The following GREM2 variants were observed in gnomAD, a reference collection of about 807,000 sequenced individuals.
The protein encoded by GREM2 is gremlin-2.
In GREM2, 11 loss-of-function variants were observed where a neutral mutation model predicts 14.2. The ratio of observed to expected loss-of-function variants is 0.78; its 90% CI spans 0.49 to 1.28. The LOEUF (loss-of-function observed/expected upper bound fraction) is 1.28, where lower values mean the gene tolerates loss of function less well. Ranked by LOEUF, GREM2 falls within the 50% of genes most tolerant of loss-of-function variation. GREM2 has a pLI of 0.00. For missense variants in GREM2, 210 were observed against 218.5 expected (o/e 0.96, Z 0.24); for synonymous variants, 98 against 97.6 (o/e 1.00, Z -0.02).
At chr1:240,609,897 C>A (rs368471667) in intron 1 of GREM2, among the ~76,000 whole-genome samples, 58 of 151,430 alleles carry the variant, frequency 3.8e-4, no homozygotes, top group African/African-American at 8.5e-4. Flanking sequence ...ACTTATAACT[C>A]GAGGGTATGT....
At chr1:240,515,444 A>G (rs1677932481) in intron 1 of GREM2, among the ~76,000 whole-genome samples, 1 of 152,210 alleles carries the variant, frequency 6.6e-6, no homozygotes, top group South Asian at 2.1e-4. Context: ...TAATGAGATC[A>G]AAGTACATCA....
chr1:240,538,549 TA>T (rs1558154297), intron 1 of GREM2, among the ~76,000 whole-genome samples: 1 of 150,578 alleles, frequency 6.6e-6, no homozygotes, highest in Non-Finnish European at 1.5e-5. Context: ...CAAAAAAAAA[TA>T]ATAATAATAA....
chr1:240,609,895 C>A (rs1469231303), intron 1 of GREM2, among the ~76,000 whole-genome samples: 1 of 151,750 alleles, frequency 6.6e-6, no homozygotes, highest in East Asian at 1.9e-4. Context: ...AAACTTATAA[C>A]TCGAGGGTAT....
intron 1 of GREM2, among the ~76,000 whole-genome samples, chr1:240,517,292 C>T (rs985958428): frequency 6.6e-6 from 1 of 152,176 alleles, no homozygotes; most frequent in Non-Finnish European, 1.5e-5. Flanking sequence ...CCAACTGTAT[C>T]ATTTTAAGTA....
At chr1:240,596,789 A>G (rs1679826687) in intron 1 of GREM2, among the ~76,000 whole-genome samples, 1 of 152,110 alleles carries the variant, frequency 6.6e-6, no homozygotes, top group Non-Finnish European at 1.5e-5. Context: ...AGTCTTTGAC[A>G]CAGGATTTCA....
chr1:240,580,008 A>G (rs898538473), intron 1 of GREM2, among the ~76,000 whole-genome samples: 3 of 152,188 alleles, frequency 2.0e-5, no homozygotes, highest in African/African-American at 7.2e-5. Context: ...CATCTGTGAT[A>G]TGCACACAAA....
chr1:240,538,414 T>C (rs1178237298), intron 1 of GREM2, among the ~76,000 whole-genome samples: 1 of 152,086 alleles, frequency 6.6e-6, no homozygotes, highest in Non-Finnish European at 1.5e-5. Context: ...GTAAAGACTT[T>C]CTAGAGGCCA....
At chr1:240,522,076 C>T (rs1211254694) in intron 1 of GREM2, among the ~76,000 whole-genome samples, 2 of 147,594 alleles carry the variant, frequency 1.4e-5, no homozygotes, top group African/African-American at 2.5e-5. Context: ...GCCATGATCA[C>T]ACCACCACAC....
chr1:240,610,210 C>G (rs1026091413), intron 1 of GREM2, among the ~76,000 whole-genome samples: 8 of 152,094 alleles, frequency 5.3e-5, no homozygotes, highest in African/African-American at 1.9e-4. Flanking sequence ...CAAAACAACT[C>G]TTTACCAATA....
At chr1:240,597,155 C>T (rs1378094927) in intron 1 of GREM2, among the ~76,000 whole-genome samples, 2 of 152,160 alleles carry the variant, frequency 1.3e-5, no homozygotes, top group South Asian at 2.1e-4. Flanking sequence ...TTTTAATGAC[C>T]GTGGTTACGA....
At chr1:240,544,098 G>A (rs1457453025) in intron 1 of GREM2, among the ~76,000 whole-genome samples, 2 of 151,452 alleles carry the variant, frequency 1.3e-5, no homozygotes, top group Non-Finnish European at 2.9e-5. Context: ...GTAATCTAGA[G>A]ATGGTTTAAA....
intron 1 of GREM2, among the ~76,000 whole-genome samples, chr1:240,504,532 T>G (rs938823642): frequency 1.3e-5 from 2 of 152,170 alleles, no homozygotes; most frequent in Admixed American, 1.3e-4. Context: ...CCTCTCTTCT[T>G]GCACTTGACA....
rs143104223 is a variant in GREM2 at position 240,501,535 on chromosome 1, A to G, written c.-1-8059T>C. Among the ~76,000 whole-genome samples, 998 of 152,360 alleles carry G rather than the reference A, an allele frequency of 6.6e-3. 6 individuals are homozygous for G. Among genetic ancestry groups the G allele is most frequent in the Non-Finnish European group, 9.6e-3 (656 of 68,042 alleles). On this transcript the variant is annotated intron_variant, in intron 1 of 1. Transcript: ENST00000318160. ...CTAAATCTTTGAAGAAATTGTTGGG[A>G]TAAATTCAGGATAGGAAATGGAATG...
intron 1 of GREM2, among the ~76,000 whole-genome samples, chr1:240,593,230 T>C (rs1311050175): frequency 6.6e-6 from 1 of 152,128 alleles, no homozygotes; most frequent in Non-Finnish European, 1.5e-5. Context: ...TTGTAAAGCT[T>C]TCCCTTCTCT....
intron 1 of GREM2, among the ~76,000 whole-genome samples, chr1:240,557,162 T>C (rs1027521338): frequency 1.1e-4 from 16 of 150,586 alleles, no homozygotes; most frequent in Non-Finnish European, 2.1e-4. Context: ...AGTAAGACTC[T>C]GTCTCCATAA....
intron 1 of GREM2, among the ~76,000 whole-genome samples, chr1:240,578,318 G>T (rs1165669891): frequency 6.6e-6 from 1 of 151,952 alleles, no homozygotes; most frequent in Non-Finnish European, 1.5e-5. Context: ...TAGAGATGGG[G>T]TTTTACCGTG....
At chr1:240,590,927 A>T (rs772402088) in intron 1 of GREM2, among the ~76,000 whole-genome samples, 1 of 151,816 alleles carries the variant, frequency 6.6e-6, no homozygotes. Context: ...GATTACAGGC[A>T]CGCGCCTCCA....
At chr1:240,577,120 T>C (rs1474930221) in intron 1 of GREM2, among the ~76,000 whole-genome samples, 1 of 152,174 alleles carries the variant, frequency 6.6e-6, no homozygotes, top group Non-Finnish European at 1.5e-5. Flanking sequence ...TATATTTTCC[T>C]TTACCAAGTC....
At chr1:240,501,038 G>C (rs2103277393) in intron 1 of GREM2, among the ~76,000 whole-genome samples, 1 of 152,228 alleles carries the variant, frequency 6.6e-6, no homozygotes, top group Non-Finnish European at 1.5e-5. Flanking sequence ...ATCGCCTTTT[G>C]CCTATCTGAA....
Sources: gnomAD v4.1 joint callset for allele counts (sites outside exome capture counted in the v4.1 genomes callset) on GRCh38, gnomAD v4.1.1 for gene constraint, MANE v1.5 for transcripts, NCBI Gene and HGNC (gene_info 2026-07-23, HGNC 2026-07-21) for gene names.